The following GRID2 variants were observed in gnomAD, a reference collection of about 807,000 sequenced individuals.
GRID2 encodes glutamate ionotropic receptor delta type subunit 2, also known as glutamate receptor ionotropic, delta-2.
In GRID2, 33 loss-of-function variants were observed where a neutral mutation model predicts 114.8. The ratio of observed to expected loss-of-function variants is 0.29; its 90% CI spans 0.22 to 0.38. The LOEUF (loss-of-function observed/expected upper bound fraction) is 0.38, where lower values mean the gene tolerates loss of function less well. Among genes scored for constraint, GRID2 ranks in the 10% least tolerant of loss-of-function variants. The probability of loss-of-function intolerance (pLI) is 1.00; values close to 1 mark genes in which losing one functional copy is unlikely to be tolerated. For missense variants in GRID2, 1,184 were observed against 1,257.7 expected (o/e 0.94, Z 0.89); for synonymous variants, 505 against 449.9 (o/e 1.12, Z -1.55).
intron 2 of GRID2, among the ~76,000 whole-genome samples, chr4:92,992,790 A>G (rs945644247): frequency 6.6e-6 from 1 of 152,174 alleles, no homozygotes; most frequent in African/African-American, 2.4e-5. Flanking sequence ...CTTGAACATT[A>G]TTAAACTTAT....
intron 4 of GRID2, among the ~76,000 whole-genome samples, chr4:93,191,493 A>G (rs1264452945): frequency 6.6e-6 from 1 of 152,128 alleles, no homozygotes; most frequent in Admixed American, 6.5e-5. Flanking sequence ...TTTAATTTGC[A>G]ACACTTATAC....
At chr4:92,306,088 G>T (rs1310763594) in intron 1 of GRID2, among the ~76,000 whole-genome samples, 2 of 152,190 alleles carry the variant, frequency 1.3e-5, no homozygotes, top group Non-Finnish European at 2.9e-5. Context: ...GGTGGCGATT[G>T]TGCCCGCCCA....
intron 4 of GRID2, among the ~76,000 whole-genome samples, chr4:93,119,866 C>T (rs960506128): frequency 1.3e-5 from 2 of 152,150 alleles, no homozygotes; most frequent in African/African-American, 4.8e-5. Flanking sequence ...TAAGAAGTGT[C>T]TGTTCATAGC....
chr4:92,695,581 G>GA (rs895609512), intron 2 of GRID2, among the ~76,000 whole-genome samples: 74 of 149,290 alleles, frequency 5.0e-4, no homozygotes, highest in African/African-American at 1.3e-3. Flanking sequence ...GTGATAATGT[G>GA]AAAAAAAAAT....
intron 11 of GRID2, among the ~76,000 whole-genome samples, chr4:93,479,651 C>A: frequency 6.6e-6 from 1 of 152,038 alleles, no homozygotes; most frequent in Non-Finnish European, 1.5e-5. Context: ...TCCTGATGTC[C>A]AGGGGCAGGG....
intron 4 of GRID2, among the ~76,000 whole-genome samples, chr4:93,140,408 T>G (rs1369609269): frequency 6.6e-6 from 1 of 152,184 alleles, no homozygotes; most frequent in Non-Finnish European, 1.5e-5. Context: ...TCCGCCTGCC[T>G]AGGCCTCCCA....
chr4:92,485,621 C>T (rs113060828), intron 1 of GRID2, among the ~76,000 whole-genome samples: 15 of 151,356 alleles, frequency 9.9e-5, no homozygotes, highest in African/African-American at 3.6e-4. Context: ...ACCTGTGAGG[C>T]GGAGGTTGCA....
chr4:93,590,783 T>G (rs1273076338), intron 13 of GRID2, among the ~76,000 whole-genome samples: 1 of 151,550 alleles, frequency 6.6e-6, no homozygotes, highest in Non-Finnish European at 1.5e-5. Context: ...CCCTTGTAAG[T>G]TGGATTCCTA....
intron 13 of GRID2, among the ~76,000 whole-genome samples, chr4:93,578,531 A>G (rs1253822467): frequency 6.6e-6 from 1 of 152,036 alleles, no homozygotes; most frequent in Non-Finnish European, 1.5e-5. Flanking sequence ...AAAGCTCGGA[A>G]AGCTGATATA....
chr4:92,676,696 G>T (rs902661325), intron 2 of GRID2, among the ~76,000 whole-genome samples: 2 of 151,876 alleles, frequency 1.3e-5, no homozygotes, highest in Non-Finnish European at 2.9e-5. Flanking sequence ...TGTATAATGA[G>T]ATGTTACATT....
At chr4:93,617,048 ATAAAAGTACC>A (rs1403696760) in intron 13 of GRID2, among the ~76,000 whole-genome samples, 1 of 152,186 alleles carries the variant, frequency 6.6e-6, no homozygotes, top group Non-Finnish European at 1.5e-5. Flanking sequence ...CATTTTTAAA[ATAAAAGTACC>A]TAAAAGCTAG....
intron 8 of GRID2, among the ~76,000 whole-genome samples, chr4:93,369,102 A>G (rs1274804324): frequency 2.0e-5 from 3 of 152,146 alleles, no homozygotes; most frequent in African/African-American, 7.2e-5. Flanking sequence ...TGGAGGCCAA[A>G]AGTTCACAAG....
intron 2 of GRID2, among the ~76,000 whole-genome samples, chr4:92,786,813 G>C (rs1233996886): frequency 2.0e-5 from 3 of 151,940 alleles, no homozygotes; most frequent in Admixed American, 6.6e-5. Context: ...CCTGGTGAGG[G>C]GAGAGGGAGG....
At position 92,771,904 on chromosome 4, in the gene GRID2, T is replaced by A. The variant is rs533493708; in HGVS notation, c.244+181618T>A. On this transcript the variant is annotated intron_variant, in intron 2 of 15. Coordinates refer to ENST00000282020, the MANE Select transcript of GRID2 (RefSeq NM_001510.4). ...TCCATTCACTGTCAGGAATCATGTA[T>A]GCTCCAAAAACCACAAGGATCAGGA... Among the ~76,000 whole-genome samples, 4 of 152,304 alleles carry A rather than the reference T, an allele frequency of 2.6e-5. No homozygotes were observed. In the South Asian group the frequency reaches 8.3e-4, roughly 32 times the overall value.
At chr4:92,880,234 G>A (rs1379648968) in intron 2 of GRID2, among the ~76,000 whole-genome samples, 3 of 152,130 alleles carry the variant, frequency 2.0e-5, no homozygotes, top group Non-Finnish European at 4.4e-5. Context: ...AGCATTTGGA[G>A]GAGTATTAAG....
chr4:93,778,393 CT>C (rs36000401), downstream of GRID2, among the ~76,000 whole-genome samples: 145 of 98,590 alleles, frequency 1.5e-3, no homozygotes, highest in Admixed American at 3.1e-3. Context: ...TCTCATTTGG[CT>C]TTTTTTTTTT....
At chr4:93,648,190 T>C (rs978640195) in intron 14 of GRID2, among the ~76,000 whole-genome samples, 6 of 152,104 alleles carry the variant, frequency 3.9e-5, no homozygotes, top group Admixed American at 2.0e-4. Context: ...AGGAAGAGTA[T>C]GATATTGGTT....
rs767369451 is a variant in GRID2 at position 92,449,571 on chromosome 4, T to G, written c.89-140560T>G. Among the ~76,000 whole-genome samples the G allele has an allele frequency of 2.3e-4, 34 of 150,474 alleles. 1 individual carries two copies. Among genetic ancestry groups the G allele is most frequent in the Non-Finnish European group, 4.6e-4 (31 of 67,546 alleles). ...TTTGTATACACTCTTCATATAATAATAACTCTGTCATAACTGCAAAAATAT... is the reference window on the plus strand; with the variant it reads ...TTTGTATACACTCTTCATATAATAAGAACTCTGTCATAACTGCAAAAATAT... On this transcript the variant is annotated intron_variant, in intron 1 of 15. Transcript: ENST00000282020.
intron 2 of GRID2, among the ~76,000 whole-genome samples, chr4:92,597,524 G>A (rs1560480165): frequency 1.3e-5 from 2 of 152,096 alleles, no homozygotes; most frequent in South Asian, 2.1e-4. Flanking sequence ...TTAGCAATTT[G>A]TGCTGCTCTG....
Sources: gnomAD v4.1 joint callset for allele counts (sites outside exome capture counted in the v4.1 genomes callset) on GRCh38, gnomAD v4.1.1 for gene constraint, MANE v1.5 for transcripts, NCBI Gene and HGNC (gene_info 2026-07-23, HGNC 2026-07-21) for gene names.